Variants in STAG1 observed in about 807,000 individuals in gnomAD.
STAG1 encodes the protein STAG1 cohesin complex component.
A neutral mutation model predicts 170.9 loss-of-function variants in STAG1; 26 were observed. The observed-to-expected ratio is 0.15, with a 90% CI of 0.11 to 0.21. The LOEUF (loss-of-function observed/expected upper bound fraction) is 0.21. STAG1 is among the 10% of genes least tolerant of loss of function. The pLI is 1.00. For missense variants in STAG1, 964 were observed against 1,509.5 expected (o/e 0.64, Z 5.99); for synonymous variants, 514 against 497.7 (o/e 1.03, Z -0.44).
chr3:136,623,135 A>G lies in STAG1; in HGVS notation c.132+11T>C. On this transcript the variant is annotated intron_variant, in intron 3 of 33. Transcript: ENST00000383202. ...TATTAAAGGAACAAAGAAGACAAGC[A>G]TAATACATACTGGAGGCCGGCCAGG... The G allele has an allele frequency of 6.2e-7, 1 of 1,608,758 alleles. No homozygotes were observed. The highest frequency in any genetic ancestry group is 1.1e-5 in the South Asian group (1 of 90,784).
chr3:136,642,264 CTTTTTTTTTT>C (rs10592920), intron 1 of STAG1, among the ~76,000 whole-genome samples: 11 of 84,944 alleles, frequency 1.3e-4, no homozygotes, highest in Admixed American at 7.0e-4. Flanking sequence ...GACAGAATTT[CTTTTTTTTTT>C]TTTTTTTTTT....
intron 16 of STAG1, among the ~76,000 whole-genome samples, chr3:136,430,851 A>G (rs1397320585): frequency 7.2e-6 from 1 of 139,382 alleles, no homozygotes; most frequent in South Asian, 2.3e-4. Context: ...ACACACACAC[A>G]CAGCCTTTTA....
intron 22 of STAG1, among the ~76,000 whole-genome samples, chr3:136,394,096 C>T (rs143633436): frequency 5.5e-4 from 83 of 152,164 alleles, no homozygotes; most frequent in African/African-American, 2.0e-3. Context: ...TTAGTAGAGA[C>T]GGGGTTTCGC....
At chr3:136,728,993 T>C (rs1933850034) in intron 1 of STAG1, among the ~76,000 whole-genome samples, 1 of 152,120 alleles carries the variant, frequency 6.6e-6, no homozygotes, top group African/African-American at 2.4e-5. Flanking sequence ...TTCTTTTGTT[T>C]TTTTTGAGAC....
chr3:136,635,143 A>C (rs975178647), intron 1 of STAG1, among the ~76,000 whole-genome samples: 4 of 152,242 alleles, frequency 2.6e-5, no homozygotes, highest in African/African-American at 7.2e-5. Flanking sequence ...CATTTCTGTA[A>C]CACCAAACTA....
chr3:136,461,605 A>G (rs2089275958), intron 13 of STAG1, among the ~76,000 whole-genome samples: 1 of 151,408 alleles, frequency 6.6e-6, no homozygotes, highest in Non-Finnish European at 1.5e-5. Flanking sequence ...AAAAAAAAAA[A>G]GAGAAAGAAA....
chr3:136,728,990 G>GT (rs79207036), intron 1 of STAG1, among the ~76,000 whole-genome samples: 22 of 151,662 alleles, frequency 1.5e-4, no homozygotes, highest in South Asian at 6.2e-4. Flanking sequence ...AGATTCTTTT[G>GT]TTTTTTTTGA....
intron 5 of STAG1, among the ~76,000 whole-genome samples, chr3:136,561,055 A>G (rs1351851093): frequency 2.6e-5 from 4 of 152,114 alleles, no homozygotes; most frequent in African/African-American, 7.2e-5. Context: ...GGGCTCACAC[A>G]GTAAAATGCC....
At chr3:136,747,582 C>T (rs560729566) in intron 1 of STAG1, among the ~76,000 whole-genome samples, 1 of 151,856 alleles carries the variant, frequency 6.6e-6, no homozygotes, top group Non-Finnish European at 1.5e-5. Context: ...CCAGCTACTC[C>T]AGGCCCCACC....
At chr3:136,594,079 T>C (rs1210593904) in intron 4 of STAG1, among the ~76,000 whole-genome samples, 2 of 152,230 alleles carry the variant, frequency 1.3e-5, no homozygotes, top group Admixed American at 6.5e-5. Context: ...ATTAAAACAC[T>C]TTTATCCATT....
Position 136,671,314 on chromosome 3 carries a change from A to C in STAG1, c.-83-40333T>G, listed in dbSNP as rs142238007. 1.1e-3 allele frequency among the ~76,000 whole-genome samples: 174 copies of C among 152,040 alleles called. 1 individual carries two copies. The highest frequency in any genetic ancestry group is 4.0e-3 in the African/African-American group (166 of 41,490). On this transcript the variant is annotated intron_variant, in intron 1 of 33. Transcript: ENST00000383202. ...TAAAAAGAAAGCACACACACACACA[A>C]AAAATCATACGTGCCATATAGCTTG...
At chr3:136,509,454 A>T (rs1332495433) in intron 7 of STAG1, among the ~76,000 whole-genome samples, 1 of 151,974 alleles carries the variant, frequency 6.6e-6, no homozygotes, top group African/African-American at 2.4e-5. Context: ...AGCCACTTTC[A>T]GCTCTGCTGC....
At position 136,604,690 on chromosome 3, in the gene STAG1, G is replaced by C. The variant is rs559477432; in HGVS notation, c.133-217C>G. 3.7e-4 allele frequency among the ~76,000 whole-genome samples: 57 copies of C among 152,132 alleles called. No homozygotes were observed. The East Asian group carries it at 9.9e-3, about 26-fold the overall frequency. ...TTTTGAGACAGAGTCTTGCTCTGTC[G>C]CCCAGGATGGAGTGCAGTGGCACTC... On this transcript the variant is annotated intron_variant, in intron 3 of 33. Coordinates refer to ENST00000383202, the MANE Select transcript of STAG1 (RefSeq NM_005862.3).
chr3:136,386,381 G>C (rs2086874241), intron 22 of STAG1, among the ~76,000 whole-genome samples: 2 of 151,992 alleles, frequency 1.3e-5, no homozygotes, highest in African/African-American at 4.8e-5. Context: ...TTGTCAGCAA[G>C]ATATCAACAA....
chr3:136,377,570 C>T, intron 23 of STAG1, 90 bp downstream of exon 23: 1 of 1,031,238 alleles, frequency 9.7e-7, no homozygotes, highest in South Asian at 1.4e-5. Context: ...AACATGTGTA[C>T]AAAAACTGCC....
intron 5 of STAG1, among the ~76,000 whole-genome samples, chr3:136,565,007 A>AGGCAGGCAGGCAGGCAGGC (rs1184339001): frequency 1.8e-5 from 1 of 54,228 alleles, no homozygotes; most frequent in Non-Finnish European, 3.8e-5. Context: ...GGAAGGAAGG[A>AGGCAGGCAGGCAGGCAGGC]AGGAAGGCAG....
intron 4 of STAG1, among the ~76,000 whole-genome samples, chr3:136,585,390 C>A (rs1475078735): frequency 6.6e-6 from 1 of 151,960 alleles, no homozygotes; most frequent in African/African-American, 2.4e-5. Flanking sequence ...TGCAGTGAGC[C>A]GAGATCACGC....
chr3:136,542,474 A>G (rs1404800686), intron 5 of STAG1, among the ~76,000 whole-genome samples: 1 of 152,134 alleles, frequency 6.6e-6, no homozygotes, highest in Non-Finnish European at 1.5e-5. Context: ...TAGATAGTTT[A>G]AATTACGTTA....
At chr3:136,651,891 A>G (rs1941231095) in intron 1 of STAG1, among the ~76,000 whole-genome samples, 1 of 152,192 alleles carries the variant, frequency 6.6e-6, no homozygotes, top group African/African-American at 2.4e-5. Flanking sequence ...ACAGTGAATA[A>G]TATTTATGAT....
Sources: gnomAD v4.1 joint callset for allele counts (sites outside exome capture counted in the v4.1 genomes callset) on GRCh38, gnomAD v4.1.1 for gene constraint, MANE v1.5 for transcripts, NCBI Gene and HGNC (gene_info 2026-07-23, HGNC 2026-07-21) for gene names.